EPHA6: variants seen among roughly 807,000 people sequenced by gnomAD.
EPHA6 encodes ephrin type-A receptor 6.
EPHA6 carries 50 observed loss-of-function variants against 112.0 expected under a neutral mutation model. That is an observed-to-expected ratio of 0.45 (90% CI 0.36 to 0.56). EPHA6 has a LOEUF of 0.56. Among genes scored for constraint, EPHA6 ranks in the 20% least tolerant of loss-of-function variants. The probability of loss-of-function intolerance (pLI) is 0.00; values close to 1 mark genes in which losing one functional copy is unlikely to be tolerated. For missense variants in EPHA6, 1,280 were observed against 1,417.4 expected, an observed-to-expected ratio of 0.90 and a Z score of 1.56; for synonymous variants, 529 against 490.7, an observed-to-expected ratio of 1.08 and a Z score of -1.03.
At chr3:97,253,407 T>C (rs1274721188) in intron 5 of EPHA6, among the ~76,000 whole-genome samples, 2 of 152,324 alleles carry the variant, frequency 1.3e-5, no homozygotes, top group African/African-American at 2.4e-5. Flanking sequence ...TTTGACATTC[T>C]AATAGGTCTA....
intron 10 of EPHA6, among the ~76,000 whole-genome samples, chr3:97,485,584 A>G (rs143900580): frequency 2.6e-5 from 4 of 152,310 alleles, no homozygotes; most frequent in East Asian, 1.9e-4. Context: ...CTTTATGTTC[A>G]TAATCTTTAT....
rs190063123 is a variant in EPHA6, at chr3:97,459,443, A to C, written c.1894+10713A>C. Among the ~76,000 whole-genome samples, 248 of 152,288 alleles carry C rather than the reference A, an allele frequency of 1.6e-3. 1 individual carries two copies. Among genetic ancestry groups the C allele is most frequent in the African/African-American group, 5.4e-3 (225 of 41,560 alleles). ...CAATGTCATCCTCAAATAGCACAAC[A>C]CTGGCAGCAAGGAATGGTGGGGATG... On this transcript the variant is annotated intron_variant, in intron 7 of 17. Transcript: ENST00000389672.
chr3:97,574,449 A>G (rs1283470299), intron 11 of EPHA6, among the ~76,000 whole-genome samples: 2 of 152,150 alleles, frequency 1.3e-5, no homozygotes, highest in Admixed American at 6.5e-5. Context: ...TTAGCAGGAA[A>G]CACATATAAG....
chr3:97,189,801 C>A (rs1329710199), intron 3 of EPHA6, among the ~76,000 whole-genome samples: 2 of 152,042 alleles, frequency 1.3e-5, no homozygotes, highest in African/African-American at 4.8e-5. Context: ...ACTGTATCTT[C>A]TACCAAATAA....
chr3:96,931,428 C>G (rs969265239), intron 2 of EPHA6, among the ~76,000 whole-genome samples: 3 of 152,126 alleles, frequency 2.0e-5, no homozygotes, highest in Non-Finnish European at 2.9e-5. Context: ...CACCTCCCCC[C>G]AGGGACTCCA....
chr3:96,979,938 A>G (rs1163244670), intron 2 of EPHA6, among the ~76,000 whole-genome samples: 2 of 152,112 alleles, frequency 1.3e-5, no homozygotes, highest in Non-Finnish European at 1.5e-5. Context: ...TTCATTGTAG[A>G]TGCTTGATAT....
At chr3:97,093,694 T>C (rs531694137) in intron 3 of EPHA6, among the ~76,000 whole-genome samples, 28 of 152,302 alleles carry the variant, frequency 1.8e-4, no homozygotes, top group African/African-American at 6.7e-4. Flanking sequence ...ATAATTATTA[T>C]CATCGTGTGA....
chr3:97,216,481 A>G (rs2078037678), intron 3 of EPHA6, among the ~76,000 whole-genome samples: 1 of 152,222 alleles, frequency 6.6e-6, no homozygotes, highest in Admixed American at 6.5e-5. Flanking sequence ...CAAATTTCAG[A>G]AAATGAAAAT....
At chr3:97,055,071 T>A (rs2045809714) in intron 3 of EPHA6, among the ~76,000 whole-genome samples, 1 of 152,062 alleles carries the variant, frequency 6.6e-6, no homozygotes, top group African/African-American at 2.4e-5. Flanking sequence ...TCCTAGAAAA[T>A]GTTGCAGACT....
chr3:97,096,108 G>C (rs79753666), intron 3 of EPHA6, among the ~76,000 whole-genome samples: 1 of 151,736 alleles, frequency 6.6e-6, no homozygotes, highest in Non-Finnish European at 1.5e-5. Context: ...GGAAGCAATG[G>C]GTTTTGATTT....
At chr3:96,930,494 G>A (rs2040257030) in intron 2 of EPHA6, among the ~76,000 whole-genome samples, 1 of 152,134 alleles carries the variant, frequency 6.6e-6, no homozygotes, top group Admixed American at 6.5e-5. Flanking sequence ...TCTATACCAA[G>A]GTTGCCTTAG....
chr3:97,200,365 C>G (rs1054707919), intron 3 of EPHA6, among the ~76,000 whole-genome samples: 1 of 152,018 alleles, frequency 6.6e-6, no homozygotes, highest in African/African-American at 2.4e-5. Context: ...AACCATCAGA[C>G]CATACGGCCT....
chr3:97,066,882 T>G (rs2046195274), intron 3 of EPHA6, among the ~76,000 whole-genome samples: 1 of 152,100 alleles, frequency 6.6e-6, no homozygotes, highest in Admixed American at 6.6e-5. Context: ...CAGAGATAAT[T>G]AAAAAGAAAA....
chr3:97,465,075 A>T (rs1207338896), intron 7 of EPHA6, among the ~76,000 whole-genome samples: 1 of 152,124 alleles, frequency 6.6e-6, no homozygotes, highest in Non-Finnish European at 1.5e-5. Flanking sequence ...TATTGTGAAG[A>T]TACTAGTTAA....
intron 1 of EPHA6, among the ~76,000 whole-genome samples, chr3:96,836,387 T>G (rs2034412995): frequency 6.6e-6 from 1 of 152,120 alleles, no homozygotes; most frequent in African/African-American, 2.4e-5. Flanking sequence ...TTTTAATCTC[T>G]TTCAGTCACA....
At chr3:97,109,842 A>G (rs2047672403) in intron 3 of EPHA6, among the ~76,000 whole-genome samples, 1 of 152,146 alleles carries the variant, frequency 6.6e-6, no homozygotes, top group African/African-American at 2.4e-5. Flanking sequence ...ACTTATTCAA[A>G]TCACTAATGG....
At chr3:97,023,736 C>T (rs1434004547) in intron 3 of EPHA6, among the ~76,000 whole-genome samples, 1 of 151,798 alleles carries the variant, frequency 6.6e-6, no homozygotes, top group Non-Finnish European at 1.5e-5. Context: ...TTAAAATCCT[C>T]CAATAAGGAA....
chr3:97,533,216 A>T (rs919726030), intron 11 of EPHA6, among the ~76,000 whole-genome samples: 3 of 152,056 alleles, frequency 2.0e-5, no homozygotes, highest in Admixed American at 2.0e-4. Flanking sequence ...TACTTTATTC[A>T]CTAAGAATTA....
At chr3:97,693,989 T>A (rs1027521286) in intron 14 of EPHA6, among the ~76,000 whole-genome samples, 9 of 152,128 alleles carry the variant, frequency 5.9e-5, no homozygotes, top group Non-Finnish European at 1.5e-5. Flanking sequence ...TCATTAAAGG[T>A]AATAGAAATA....
Sources: allele counts gnomAD v4.1 joint callset (sites outside exome capture counted in the v4.1 genomes callset), GRCh38; gene constraint gnomAD v4.1.1; transcripts MANE v1.5; gene names NCBI Gene and HGNC (gene_info 2026-07-23, HGNC 2026-07-21).